The following USH2A variants were observed in gnomAD, a reference collection of about 807,000 sequenced individuals.
USH2A encodes the protein usherin.
A neutral mutation model predicts 538.9 loss-of-function variants in USH2A; 443 were observed. The observed-to-expected ratio is 0.82, with a 90% CI of 0.76 to 0.89. The LOEUF (loss-of-function observed/expected upper bound fraction) is 0.89. Among genes scored for constraint, USH2A ranks in the 40% least tolerant of loss-of-function variants. The probability of loss-of-function intolerance (pLI) is 0.00; values close to 1 mark genes in which losing one functional copy is unlikely to be tolerated. For missense variants in USH2A, 6,633 were observed against 6,324.8 expected (o/e 1.05, Z -1.65); for synonymous variants, 2,413 against 2,273.5 (o/e 1.06, Z -1.75).
At chr1:216,188,707 G>GGTTA (rs2034656881) in intron 20 of USH2A, among the ~76,000 whole-genome samples, 1 of 151,848 alleles carries the variant, frequency 6.6e-6, no homozygotes, top group Non-Finnish European at 1.5e-5. Flanking sequence ...ATCAGACATG[G>GGTTA]GTTAGATGAA....
chr1:215,801,113 A>T (rs1662317281), intron 49 of USH2A, among the ~76,000 whole-genome samples: 1 of 152,150 alleles, frequency 6.6e-6, no homozygotes, highest in South Asian at 2.1e-4. Context: ...CACTCAAGAA[A>T]ATAGGAATAG....
chr1:216,152,779 C>A (rs934334264), intron 21 of USH2A, among the ~76,000 whole-genome samples: 8 of 152,160 alleles, frequency 5.3e-5, no homozygotes, highest in African/African-American at 1.7e-4. Flanking sequence ...CTGGCAAAGG[C>A]CCCACCCTGA....
At chr1:216,225,786 T>A (rs2035548677) in intron 14 of USH2A, among the ~76,000 whole-genome samples, 2 of 152,268 alleles carry the variant, frequency 1.3e-5, no homozygotes, top group South Asian at 4.1e-4. Flanking sequence ...AGACTTATTT[T>A]TATTTGGGTG....
intron 49 of USH2A, among the ~76,000 whole-genome samples, chr1:215,806,612 G>A (rs1662507900): frequency 6.6e-6 from 1 of 152,092 alleles, no homozygotes; most frequent in African/African-American, 2.4e-5. Flanking sequence ...TTGGTCCATT[G>A]TATCTACATA....
chr1:215,943,602 G>A (rs1341446013), intron 37 of USH2A, among the ~76,000 whole-genome samples: 1 of 152,134 alleles, frequency 6.6e-6, no homozygotes, highest in African/African-American at 2.4e-5. Flanking sequence ...GCTTTCATCT[G>A]GGGACTACAA....
At chr1:215,824,023 T>A (rs749984341) in intron 47 of USH2A, among the ~76,000 whole-genome samples, 1 of 152,088 alleles carries the variant, frequency 6.6e-6, no homozygotes, top group Non-Finnish European at 1.5e-5. Context: ...CTTGTTAGGG[T>A]CACTCACTGT....
intron 27 of USH2A, among the ~76,000 whole-genome samples, chr1:216,076,782 C>T (rs1172256097): frequency 6.6e-6 from 1 of 152,134 alleles, no homozygotes; most frequent in African/African-American, 2.4e-5. Flanking sequence ...GCATTTAAAT[C>T]TTTATGTACT....
intron 62 of USH2A, among the ~76,000 whole-genome samples, chr1:215,677,615 T>C (rs999248613): frequency 6.6e-6 from 1 of 152,180 alleles, no homozygotes; most frequent in South Asian, 2.1e-4. Flanking sequence ...TTACTTCTGC[T>C]CTCAGCAACA....
chr1:215,785,932 TACACACACACAC>T lies in USH2A; in HGVS notation c.10387+726_10387+737del, dbSNP rs10638003. The stretch of plus-strand genomic sequence containing the variant: ...TCTATTGAATCAAGATGATAGATGA[TACACACACACAC>T]ACACACACACACACACACACACACA... On this transcript the variant is annotated intron_variant, in intron 52 of 71. Transcript: ENST00000307340. Among the ~76,000 whole-genome samples the T allele has an allele frequency of 4.8e-3, 707 of 146,502 alleles. 26 individuals carry two copies. Among genetic ancestry groups the T allele is most frequent in the Admixed American group, 0.043 (631 of 14,550 alleles).
At chr1:215,745,093 G>T (rs1021041746) in intron 58 of USH2A, among the ~76,000 whole-genome samples, 1 of 152,006 alleles carries the variant, frequency 6.6e-6, no homozygotes, top group African/African-American at 2.4e-5. Flanking sequence ...TTTTTCCTAG[G>T]TTTCCTCTTT....
At chr1:215,676,848 G>C (rs575719197) in intron 62 of USH2A, among the ~76,000 whole-genome samples, 26 of 152,192 alleles carry the variant, frequency 1.7e-4, no homozygotes, top group African/African-American at 6.0e-4. Context: ...AAATTTAGCT[G>C]TCCCTCTATA....
intron 14 of USH2A, among the ~76,000 whole-genome samples, chr1:216,224,604 T>A (rs1312190611): frequency 6.6e-6 from 1 of 152,094 alleles, no homozygotes; most frequent in Non-Finnish European, 1.5e-5. Context: ...AAAAAGTCAT[T>A]GTTGTGTTGC....
At chr1:215,928,004 T>G (rs1169549851) in intron 38 of USH2A, among the ~76,000 whole-genome samples, 1 of 152,170 alleles carries the variant, frequency 6.6e-6, no homozygotes, top group African/African-American at 2.4e-5. Context: ...AAATATAACT[T>G]TCAGGATTAT....
chr1:215,784,350 C>T (rs537242837), intron 52 of USH2A, among the ~76,000 whole-genome samples: 1 of 152,178 alleles, frequency 6.6e-6, no homozygotes, highest in Non-Finnish European at 1.5e-5. Flanking sequence ...CATCTACCTA[C>T]CCTCAGATGG....
chr1:215,924,795 C>T (rs1666194571), intron 38 of USH2A, among the ~76,000 whole-genome samples: 1 of 151,826 alleles, frequency 6.6e-6, no homozygotes, highest in Non-Finnish European at 1.5e-5. Flanking sequence ...TTTTTTAAGT[C>T]TCTCTCTCTT....
chr1:215,966,856 A>G (rs144913753), intron 36 of USH2A, among the ~76,000 whole-genome samples: 164 of 152,306 alleles, frequency 1.1e-3, no homozygotes, highest in African/African-American at 3.7e-3. Flanking sequence ...ATTCCAGATA[A>G]TTATATTATA....
At chr1:215,630,768 G>A (rs1040896696) in intron 70 of USH2A, among the ~76,000 whole-genome samples, 3 of 151,198 alleles carry the variant, frequency 2.0e-5, no homozygotes, top group Non-Finnish European at 4.4e-5. Context: ...CAGGAGAATC[G>A]CTTGAACCCA....
At chr1:216,142,103 G>A (rs1297149153) in intron 21 of USH2A, among the ~76,000 whole-genome samples, 2 of 152,110 alleles carry the variant, frequency 1.3e-5, no homozygotes, top group East Asian at 1.9e-4. Flanking sequence ...TACTTCTACA[G>A]GTATTTTCTC....
intron 3 of USH2A, among the ~76,000 whole-genome samples, chr1:216,399,137 G>A (rs2039265599): frequency 6.6e-6 from 1 of 152,092 alleles, no homozygotes; most frequent in African/African-American, 2.4e-5. Flanking sequence ...ATTCCCCCCG[G>A]CTCTGGCAGG....
Sources: gnomAD v4.1 joint callset for allele counts (sites outside exome capture counted in the v4.1 genomes callset) on GRCh38, gnomAD v4.1.1 for gene constraint, MANE v1.5 for transcripts, NCBI Gene and HGNC (gene_info 2026-07-23, HGNC 2026-07-21) for gene names.